HIPK3: variants seen among roughly 807,000 people sequenced by gnomAD.
HIPK3 encodes the protein homeodomain-interacting protein kinase 3.
Under a neutral mutation model 124.2 loss-of-function variants are expected in HIPK3, and 47 were observed. The ratio of observed to expected loss-of-function variants is 0.38; its 90% CI spans 0.30 to 0.48. The LOEUF (loss-of-function observed/expected upper bound fraction) is 0.48. Ranked by LOEUF, HIPK3 falls within the 20% of genes least tolerant of loss-of-function variation. The pLI, the probability that HIPK3 is intolerant of heterozygous loss-of-function variation, is 0.98. For synonymous variants in HIPK3, 482 were observed against 515.2 expected (o/e 0.94, Z 0.87); for missense variants, 1,286 against 1,454.3 (o/e 0.88, Z 1.88).
chr11:33,258,317 G>A (rs1565048312), intron 1 of HIPK3: 1 of 985,498 alleles, frequency 1.0e-6, no homozygotes, highest in Non-Finnish European at 1.2e-6. Flanking sequence ...CGTAACTACG[G>A]AGATCCCTTT....
At chr11:33,328,721 A>G in intron 3 of HIPK3, 88 bp downstream of exon 3, 1 of 1,162,188 alleles carries the variant, frequency 8.6e-7, no homozygotes, top group South Asian at 1.6e-5. Flanking sequence ...GGTGTACAAT[A>G]CACTGGAAAG....
At chr11:33,259,456 ATGAC>A (rs1370413716) in intron 1 of HIPK3, among the ~76,000 whole-genome samples, 8 of 152,264 alleles carry the variant, frequency 5.3e-5, no homozygotes, top group Admixed American at 1.3e-4. Flanking sequence ...TAAACAAAAT[ATGAC>A]TGACCTTTTG....
At position 33,339,382 on chromosome 11, in the gene HIPK3, T is replaced by A. The variant is rs764461793; in HGVS notation, c.1461T>A (p.Asp487Glu). 2 of 1,613,624 alleles carry A rather than the reference T, an allele frequency of 1.2e-6. No homozygotes were observed. The highest frequency in any genetic ancestry group is 8.5e-7 in the Non-Finnish European group (1 of 1,179,666). The stretch of plus-strand genomic sequence containing the variant: ...CAGTGATGGATTTGGAAGGAAGTGA[T>A]CTTTTGGCTGAGAAAGCTGATAGAA... The part of the protein sequence containing the change: ...VNTVMDLEGS[D>E]LLAEKADRRE... The change falls in exon 6 of 17, where the codon GAT becomes GAA. Residue 487 changes from aspartate (D) to glutamate (E), a missense_variant. Asp to Glu is a conservative substitution (Grantham distance 45). This residue lies in a region of HIPK3 where 251 missense variants were observed against 349.1 expected (regional missense o/e 0.72). Transcript: ENST00000303296.
At chr11:33,309,909 T>C (rs1238777763) in intron 2 of HIPK3, among the ~76,000 whole-genome samples, 1 of 152,234 alleles carries the variant, frequency 6.6e-6, no homozygotes, top group Admixed American at 6.5e-5. Flanking sequence ...TAAGTCAAGT[T>C]ATGAGTAGCC....
chr11:33,266,255 C>CA (rs1285441985), intron 1 of HIPK3, among the ~76,000 whole-genome samples: 1 of 151,690 alleles, frequency 6.6e-6, no homozygotes, highest in African/African-American at 2.4e-5. Flanking sequence ...GTTAGAAAAA[C>CA]ACTGCTTAAG....
At chr11:33,317,272 C>CAA (rs1381071306) in intron 2 of HIPK3, among the ~76,000 whole-genome samples, 8 of 61,776 alleles carry the variant, frequency 1.3e-4, no homozygotes, top group African/African-American at 3.6e-4. Flanking sequence ...GTGCCTGGCC[C>CAA]TATTTTTTTT....
At chr11:33,344,181 A>G (rs912597611) in intron 8 of HIPK3, among the ~76,000 whole-genome samples, 2 of 152,238 alleles carry the variant, frequency 1.3e-5, no homozygotes, top group African/African-American at 2.4e-5. Flanking sequence ...TAAATGGTAG[A>G]TTTTATGACA....
chr11:33,271,287 A>ATGG (rs1289971381), intron 1 of HIPK3, among the ~76,000 whole-genome samples: 2 of 152,174 alleles, frequency 1.3e-5, no homozygotes, highest in African/African-American at 4.8e-5. Context: ...TGCCTAAAAA[A>ATGG]TGGTGGCTGG....
rs779030952 is a variant in HIPK3 at position 33,352,178 on chromosome 11, T to C, written c.3084T>C (p.Pro1028=). 36 of 1,613,360 alleles carry C rather than the reference T, an allele frequency of 2.2e-5. No homozygotes were observed. The highest frequency in any genetic ancestry group is 3.0e-5 in the Non-Finnish European group (35 of 1,179,396). ...CQPLIKGRSA[P]GRLNQPSAVG... Reference sequence around the variant, plus strand: ...CATTAATAAAAGGACGATCTGCCCCTGGAAGATTAAACCAGCCTTCTGCAG... The same window carrying C: ...CATTAATAAAAGGACGATCTGCCCCCGGAAGATTAAACCAGCCTTCTGCAG... Residue 1028 remains proline, a synonymous_variant, in exon 16 of 17, where the codon CCT becomes CCC. Coordinates refer to ENST00000303296, the MANE Select transcript of HIPK3 (RefSeq NM_005734.5).
At chr11:33,287,648 G>A (rs764300117) in intron 2 of HIPK3, 137 bp downstream of exon 2, 18 of 950,696 alleles carry the variant, frequency 1.9e-5, no homozygotes, top group Admixed American at 2.7e-5. Flanking sequence ...ATTTAGGTTC[G>A]TTTTAAAGAG....
At position 33,257,571 on chromosome 11, in the gene HIPK3, C is replaced by T. The variant is rs939503936; in HGVS notation, c.-321C>T. 4.5e-4 allele frequency: 442 copies of T among 985,666 alleles called. No individual in the cohort carries two copies. Among genetic ancestry groups the T allele is most frequent in the Non-Finnish European group, 5.1e-4 (426 of 830,114 alleles). The allele number at this position is 985,666 out of a possible 1,614,324, so 61.1% of individuals were successfully genotyped here. A position where few individuals can be genotyped will look rare whatever the true frequency, so the allele number is the denominator to read the frequency against. On this transcript the variant is annotated 5_prime_UTR_variant, in exon 1 of 17. Coordinates refer to ENST00000303296, the MANE Select transcript of HIPK3 (RefSeq NM_005734.5). The stretch of plus-strand genomic sequence containing the variant: ...GTAGGCCCCAGTAGCCGGAGGCCGA[C>T]CGGCCTCCCACTACCCCTCGCCCTA...
At chr11:33,330,300 A>C (rs184583186) in intron 3 of HIPK3, among the ~76,000 whole-genome samples, 1 of 152,108 alleles carries the variant, frequency 6.6e-6, no homozygotes, top group East Asian at 1.9e-4. Flanking sequence ...ATAGTCTCAC[A>C]GTTCAGTGGG....
intron 4 of HIPK3, 58 bp from the exon 5 acceptor site, chr11:33,338,699 C>T: frequency 9.2e-7 from 1 of 1,082,488 alleles, no homozygotes; most frequent in Non-Finnish European, 1.4e-6. Context: ...CTAAATGTGC[C>T]AGGATTAAAG....
intron 2 of HIPK3, among the ~76,000 whole-genome samples, chr11:33,297,693 A>G (rs1191957320): frequency 6.6e-6 from 1 of 151,816 alleles, no homozygotes; most frequent in East Asian, 1.9e-4. Flanking sequence ...TAGATGAAAC[A>G]GCTTTATATT....
chr11:33,259,800 C>A, intron 1 of HIPK3, among the ~76,000 whole-genome samples: 2 of 107,504 alleles, frequency 1.9e-5, no homozygotes, highest in African/African-American at 3.6e-5. Flanking sequence ...CTGCCTCCCG[C>A]CCCCCGCCCC....
At chr11:33,285,143 A>C (rs1851513674) in intron 1 of HIPK3, among the ~76,000 whole-genome samples, 1 of 152,210 alleles carries the variant, frequency 6.6e-6, no homozygotes, top group Non-Finnish European at 1.5e-5. Context: ...TTATACATTT[A>C]ATGGTTGTGT....
intron 1 of HIPK3, among the ~76,000 whole-genome samples, chr11:33,272,953 TC>T (rs1482657979): frequency 1.3e-5 from 2 of 151,224 alleles, no homozygotes. Context: ...GCTCAAGGCA[TC>T]CTCCCAAGTA....
chr11:33,270,202 C>T (rs1851086127), intron 1 of HIPK3, among the ~76,000 whole-genome samples: 1 of 152,122 alleles, frequency 6.6e-6, no homozygotes, highest in African/African-American at 2.4e-5. Flanking sequence ...CGGTCTCAAA[C>T]TCCTGACCCT....
intron 7 of HIPK3, 134 bp downstream of exon 7, chr11:33,341,261 C>G: frequency 1.6e-6 from 1 of 606,996 alleles, no homozygotes; most frequent in Non-Finnish European, 2.7e-6. Context: ...CCTGTTTTTA[C>G]CAAATCTCTT....
Sources: allele counts gnomAD v4.1 joint callset (sites outside exome capture counted in the v4.1 genomes callset), GRCh38; gene constraint gnomAD v4.1.1; regional missense constraint gnomAD v4.1.1; transcripts MANE v1.5; gene names NCBI Gene and HGNC (gene_info 2026-07-23, HGNC 2026-07-21).